Variants in COLEC12 observed in about 807,000 individuals in gnomAD.
COLEC12 encodes collectin subfamily member 12.
A neutral mutation model predicts 71.1 loss-of-function variants in COLEC12; 33 were observed. The ratio of observed to expected loss-of-function variants is 0.46; its 90% CI spans 0.35 to 0.62. The LOEUF (loss-of-function observed/expected upper bound fraction) is 0.62, where lower values mean the gene tolerates loss of function less well. COLEC12 is among the 20% of genes least tolerant of loss of function. The pLI is 0.00. For synonymous variants in COLEC12, 350 were observed against 353.0 expected (o/e 0.99, Z 0.10); for missense variants, 765 against 916.1 (o/e 0.84, Z 2.13).
At chr18:385,433 T>A (rs1042725082) in intron 2 of COLEC12, among the ~76,000 whole-genome samples, 1 of 150,658 alleles carries the variant, frequency 6.6e-6, no homozygotes, top group Admixed American at 6.6e-5. Flanking sequence ...CAAGCGATTC[T>A]CCTGCCTCAG....
intron 2 of COLEC12, among the ~76,000 whole-genome samples, chr18:455,246 CTTTA>C (rs1222712483): frequency 2.0e-5 from 3 of 149,092 alleles, no homozygotes; most frequent in Non-Finnish European, 3.0e-5. Context: ...GCACAGCATA[CTTTA>C]TTTATTTTTG....
rs866706326 is a variant in COLEC12 at position 319,331 on chromosome 18, A to T, written c.*714T>A. 530 of 54,124 alleles carry T rather than the reference A, an allele frequency of 9.8e-3. 3 individuals are homozygous for T. Among genetic ancestry groups the T allele is most frequent in the South Asian group, 0.031 (47 of 1,528 alleles). The allele number at this position is 54,124 out of a possible 1,614,324, so 3.4% of individuals were successfully genotyped here. A position where few individuals can be genotyped will look rare whatever the true frequency, so the allele number is the denominator to read the frequency against. On this transcript the variant is annotated 3_prime_UTR_variant, in exon 10 of 10. Transcript: ENST00000400256. ...GAGGAAATGAAACATTAAAAAAAAA[A>T]AAAAAAAAAAATATATATATATATA...
chr18:356,374 A>G (rs666599), intron 3 of COLEC12, among the ~76,000 whole-genome samples: 60,256 of 151,990 alleles, frequency 0.4, 13,716 homozygotes, highest in African/African-American at 0.62. Context: ...GCACTTACTG[A>G]ACATTCACAA....
At chr18:438,060 A>G (rs1916441804) in intron 2 of COLEC12, among the ~76,000 whole-genome samples, 1 of 152,246 alleles carries the variant, frequency 6.6e-6, no homozygotes, top group Non-Finnish European at 1.5e-5. Context: ...ACCTATAAAA[A>G]ATTATAAAAG....
intron 2 of COLEC12, among the ~76,000 whole-genome samples, chr18:413,263 G>A (rs1009879285): frequency 3.9e-5 from 6 of 152,160 alleles, no homozygotes; most frequent in African/African-American, 1.4e-4. Flanking sequence ...AACATCACTA[G>A]CCATTAGGGT....
chr18:421,349 T>G (rs1280737043), intron 2 of COLEC12, among the ~76,000 whole-genome samples: 1 of 152,138 alleles, frequency 6.6e-6, no homozygotes, highest in Non-Finnish European at 1.5e-5. Context: ...AAGTCAGATC[T>G]CCCATTGTCT....
At chr18:469,425 G>C (rs1917150885) in intron 2 of COLEC12, among the ~76,000 whole-genome samples, 1 of 152,154 alleles carries the variant, frequency 6.6e-6, no homozygotes, top group Non-Finnish European at 1.5e-5. Context: ...GAGGCAAAAG[G>C]CCACGTCTCT....
chr18:341,005 G>A (rs1914239579), intron 5 of COLEC12, among the ~76,000 whole-genome samples: 1 of 152,188 alleles, frequency 6.6e-6, no homozygotes, highest in African/African-American at 2.4e-5. Context: ...CTTGTTTGGG[G>A]AAGTGTAGCA....
chr18:500,541 CG>C lies in COLEC12; in HGVS notation c.-28del, dbSNP rs1356022706. On this transcript the variant is annotated 5_prime_UTR_variant, in exon 1 of 10. Transcript: ENST00000400256. The surrounding 1 kb of genome is among the most constrained non-coding windows in gnomAD (Gnocchi z 5.3). The stretch of plus-strand genomic sequence containing the variant: ...GTGACCGTGGGGACGCACCGCCGGC[CG>C]GGGAGCTCCGCGCGAGCGCCGCGCA... The C allele has an allele frequency of 1.6e-6, 2 of 1,222,914 alleles. No individual in the cohort carries two copies. The highest frequency in any genetic ancestry group is 3.9e-5 in the South Asian group (1 of 25,332). 75.8% of individuals were successfully genotyped at this position (1,222,914 alleles called of 1,614,324 possible).
Position 480,064 on chromosome 18 carries a change from ATC to A in COLEC12, c.58+641_58+642del, listed in dbSNP as rs1468114858. Among the ~76,000 whole-genome samples the A allele has an allele frequency of 6.6e-6, 1 of 152,194 alleles. No individual in the cohort carries two copies. The highest frequency in any genetic ancestry group is 2.4e-5 in the African/African-American group (1 of 41,440). On this transcript the variant is annotated intron_variant, in intron 2 of 9. Transcript: ENST00000400256. The surrounding 1 kb of genome is among the most constrained non-coding windows in gnomAD (Gnocchi z 4.1). ...CACATCACCTTCTCTCTGCAGTCACATCTCCCTCTGCCTCTCTCTTACAAGGA... is the reference window on the plus strand; with the variant it reads ...CACATCACCTTCTCTCTGCAGTCACATCCCTCTGCCTCTCTCTTACAAGGA...
intron 5 of COLEC12, among the ~76,000 whole-genome samples, chr18:338,729 G>A (rs1388828450): frequency 1.3e-5 from 2 of 152,164 alleles, no homozygotes; most frequent in African/African-American, 2.4e-5. Flanking sequence ...TAGTGGTGAA[G>A]GTGTCACGTA....
At chr18:462,425 T>C (rs979019569) in intron 2 of COLEC12, among the ~76,000 whole-genome samples, 1 of 152,098 alleles carries the variant, frequency 6.6e-6, no homozygotes, top group Non-Finnish European at 1.5e-5. Context: ...AAAGACAATA[T>C]ATTATGTGAT....
intron 2 of COLEC12, among the ~76,000 whole-genome samples, chr18:430,555 G>A (rs4798180): frequency 0.19 from 28,152 of 151,958 alleles, 2,891 homozygotes; most frequent in Middle Eastern, 0.24. Flanking sequence ...GAATTTATTG[G>A]TATAGGCAAA....
intron 2 of COLEC12, among the ~76,000 whole-genome samples, chr18:397,368 C>T (rs1033374302): frequency 6.6e-6 from 1 of 152,314 alleles, no homozygotes; most frequent in African/African-American, 2.4e-5. Context: ...AAATTATCTA[C>T]ACAGGCCATT....
At position 481,051 on chromosome 18, in the gene COLEC12, A is replaced by T. The variant is rs1417424415; in HGVS notation, c.8-294T>A. Among the ~76,000 whole-genome samples the T allele has an allele frequency of 2.0e-5, 3 of 152,094 alleles. No individual in the cohort carries two copies. In the East Asian group the frequency reaches 5.8e-4, roughly 29 times the overall value. Reference sequence around the variant, plus strand: ...ACCCGGCCACTCCCTGCCACGCTACACTAATTCAATGTTTCTCTCTGATAT... The same window carrying T: ...ACCCGGCCACTCCCTGCCACGCTACTCTAATTCAATGTTTCTCTCTGATAT... On this transcript the variant is annotated intron_variant, in intron 1 of 9. Coordinates refer to ENST00000400256, the MANE Select transcript of COLEC12 (RefSeq NM_130386.3).
At chr18:337,772 CGTGTCTACA>C (rs1183001456) in intron 5 of COLEC12, among the ~76,000 whole-genome samples, 4 of 152,072 alleles carry the variant, frequency 2.6e-5, no homozygotes, top group African/African-American at 4.8e-5. Context: ...CTCTAACCTG[CGTGTCTACA>C]GCTGAACTTC....
In COLEC12 at chr18:420,468, T is replaced by C. The variant is rs114354447; in HGVS notation, c.58+60239A>G. On this transcript the variant is annotated intron_variant, in intron 2 of 9. Coordinates refer to ENST00000400256, the MANE Select transcript of COLEC12 (RefSeq NM_130386.3). Reference sequence around the variant, plus strand: ...TATAAATCAACAAAATATATGTAGATTAAATGCCTTCTGTATAAATACAGC... The same window carrying C: ...TATAAATCAACAAAATATATGTAGACTAAATGCCTTCTGTATAAATACAGC... 3.3e-3 allele frequency among the ~76,000 whole-genome samples: 504 copies of C among 152,244 alleles called. 3 individuals are homozygous for C. Among genetic ancestry groups the C allele is most frequent in the African/African-American group, 0.012 (478 of 41,544 alleles).
intron 1 of COLEC12, among the ~76,000 whole-genome samples, chr18:496,164 G>A (rs1303740026): frequency 1.3e-5 from 2 of 152,110 alleles, no homozygotes; most frequent in South Asian, 2.1e-4. Flanking sequence ...ATATTATAAT[G>A]AGAATAGGCA....
chr18:477,381 G>A (rs987610507), intron 2 of COLEC12, among the ~76,000 whole-genome samples: 2 of 152,018 alleles, frequency 1.3e-5, no homozygotes, highest in East Asian at 3.9e-4. Context: ...CTGACCTCGG[G>A]CTCTTCTGTA....
Sources: allele counts gnomAD v4.1 joint callset (sites outside exome capture counted in the v4.1 genomes callset), GRCh38; gene constraint gnomAD v4.1.1; non-coding constraint Gnocchi (gnomAD v3.1); transcripts MANE v1.5; gene names NCBI Gene and HGNC (gene_info 2026-07-23, HGNC 2026-07-21).